The following ZNF521 variants were observed in gnomAD, a reference collection of about 807,000 sequenced individuals.
ZNF521 encodes LYST-interacting protein 3.
In ZNF521, 14 loss-of-function variants were observed where a neutral mutation model predicts 105.5. The ratio of observed to expected loss-of-function variants is 0.13; its 90% confidence interval spans 0.09 to 0.21. The LOEUF (loss-of-function observed/expected upper bound fraction) is 0.21. Ranked by LOEUF, ZNF521 falls within the 10% of genes least tolerant of loss-of-function variation. The pLI is 1.00. For missense variants in ZNF521, 1,233 were observed against 1,629.7 expected (o/e 0.76, Z 4.19); for synonymous variants, 635 against 606.0 (o/e 1.05, Z -0.70).
At chr18:25,320,467 G>A (rs1343417973) in intron 3 of ZNF521, among the ~76,000 whole-genome samples, 2 of 152,094 alleles carry the variant, frequency 1.3e-5, no homozygotes, top group Non-Finnish European at 2.9e-5. Flanking sequence ...CACCGCGCCT[G>A]GCCTAAAGGC....
At chr18:25,198,408 A>G (rs2035937508) in intron 4 of ZNF521, among the ~76,000 whole-genome samples, 2 of 151,906 alleles carry the variant, frequency 1.3e-5, no homozygotes, top group Non-Finnish European at 1.5e-5. Flanking sequence ...ATAGTTTTAA[A>G]AAATTATTCT....
intron 2 of ZNF521, among the ~76,000 whole-genome samples, chr18:25,323,338 AG>A (rs1913036321): frequency 6.6e-6 from 1 of 152,186 alleles, no homozygotes; most frequent in Non-Finnish European, 1.5e-5. Flanking sequence ...GAAATACGTA[AG>A]GCATTATCTG....
At chr18:25,262,609 G>A (rs1272035999) in intron 3 of ZNF521, among the ~76,000 whole-genome samples, 2 of 152,180 alleles carry the variant, frequency 1.3e-5, no homozygotes, top group East Asian at 1.9e-4. Context: ...GAAACTCATG[G>A]GTAAGAAAAG....
At chr18:25,217,561 T>C (rs1905408874) in intron 4 of ZNF521, among the ~76,000 whole-genome samples, 1 of 152,026 alleles carries the variant, frequency 6.6e-6, no homozygotes, top group South Asian at 2.1e-4. Context: ...CAGACAAAGG[T>C]TTCCTGGATG....
intron 1 of ZNF521, chr18:25,351,213 CA>C (rs1382705177): frequency 7.0e-6 from 1 of 141,868 alleles, no homozygotes; most frequent in Non-Finnish European, 1.5e-5. Context: ...CCCCCACCCC[CA>C]ATCTCCAAGA....
intron 3 of ZNF521, among the ~76,000 whole-genome samples, chr18:25,291,179 C>T (rs376757612): frequency 2.0e-5 from 3 of 152,080 alleles, no homozygotes; most frequent in Non-Finnish European, 4.4e-5. Flanking sequence ...AAATAATGCA[C>T]GAGTGAAATT....
chr18:25,287,175 A>G (rs1220032636), intron 3 of ZNF521, among the ~76,000 whole-genome samples: 1 of 152,188 alleles, frequency 6.6e-6, no homozygotes, highest in Non-Finnish European at 1.5e-5. Flanking sequence ...GGCCTCAAGA[A>G]ACACTCCTGG....
intron 7 of ZNF521, among the ~76,000 whole-genome samples, chr18:25,084,842 T>G (rs1173639913): frequency 1.3e-5 from 2 of 152,198 alleles, no homozygotes; most frequent in African/African-American, 2.4e-5. Flanking sequence ...ATTAGTGTAC[T>G]GAAAGAATGT....
intron 5 of ZNF521, among the ~76,000 whole-genome samples, chr18:25,143,339 ATAGT>A (rs2034886140): frequency 6.6e-6 from 1 of 152,178 alleles, no homozygotes; most frequent in Admixed American, 6.6e-5. Context: ...ATAACTACCA[ATAGT>A]TAGAGTCCTG....
chr18:25,189,342 T>C (rs897600531), intron 5 of ZNF521, among the ~76,000 whole-genome samples: 2 of 152,238 alleles, frequency 1.3e-5, no homozygotes, highest in Non-Finnish European at 2.9e-5. Flanking sequence ...ATTGTGGAGA[T>C]AATTAAACCC....
intron 2 of ZNF521, among the ~76,000 whole-genome samples, chr18:25,341,532 A>G (rs1038153395): frequency 6.6e-6 from 1 of 152,228 alleles, no homozygotes; most frequent in African/African-American, 2.4e-5. Context: ...CACTGACCTA[A>G]GTACAAAAGA....
chr18:25,138,175 C>G (rs983453260), intron 5 of ZNF521, among the ~76,000 whole-genome samples: 5 of 152,234 alleles, frequency 3.3e-5, no homozygotes, highest in Non-Finnish European at 7.3e-5. Flanking sequence ...GGGCTGATAC[C>G]TCCCAGGGAT....
intron 2 of ZNF521, among the ~76,000 whole-genome samples, chr18:25,329,362 G>C (rs1233515066): frequency 6.6e-6 from 1 of 152,198 alleles, no homozygotes; most frequent in Non-Finnish European, 1.5e-5. Flanking sequence ...AGGAGAGAAA[G>C]AGAAGAGTAA....
intron 3 of ZNF521, among the ~76,000 whole-genome samples, chr18:25,294,421 G>A (rs1041957542): frequency 6.6e-6 from 1 of 152,084 alleles, no homozygotes; most frequent in Non-Finnish European, 1.5e-5. Context: ...TCTGACTCTG[G>A]AAAAACAGGT....
At chr18:25,286,773 G>A (rs563931287) in intron 3 of ZNF521, among the ~76,000 whole-genome samples, 2 of 152,272 alleles carry the variant, frequency 1.3e-5, no homozygotes, top group African/African-American at 4.8e-5. Context: ...AAACGAAAAG[G>A]GGAGGAGGGG....
intron 6 of ZNF521, among the ~76,000 whole-genome samples, chr18:25,091,278 A>G (rs994706492): frequency 2.0e-4 from 30 of 152,302 alleles, no homozygotes; most frequent in African/African-American, 7.2e-4. Flanking sequence ...AATACCACAA[A>G]TATGTGTGAT....
At chr18:25,090,709 G>A (rs987750775) in intron 6 of ZNF521, among the ~76,000 whole-genome samples, 2 of 152,128 alleles carry the variant, frequency 1.3e-5, no homozygotes, top group African/African-American at 4.8e-5. Context: ...TACATTTTAT[G>A]AGGCTTCTGG....
At chr18:25,273,343 C>A (rs1909809040) in intron 3 of ZNF521, 1 of 151,344 alleles carries the variant, frequency 6.6e-6, no homozygotes, top group South Asian at 2.1e-4. Flanking sequence ...GCAGGCTAGC[C>A]CTACTGGATA....
chr18:25,302,504 C>A (rs150258472), intron 3 of ZNF521, among the ~76,000 whole-genome samples: 1 of 152,264 alleles, frequency 6.6e-6, no homozygotes, highest in East Asian at 1.9e-4. Context: ...GGAGTTCCCA[C>A]GGTTAAATAA....
Sources: allele counts gnomAD v4.1 joint callset (sites outside exome capture counted in the v4.1 genomes callset), GRCh38; gene constraint gnomAD v4.1.1; transcripts MANE v1.5; gene names NCBI Gene and HGNC (gene_info 2026-07-23, HGNC 2026-07-21).